TCF4: variants seen among roughly 807,000 people sequenced by gnomAD.
TCF4 encodes transcription factor 4.
Under a neutral mutation model 82.1 loss-of-function variants are expected in TCF4, and 3 were observed. The ratio of observed to expected loss-of-function variants is 0.04; its 90% confidence interval spans 0.02 to 0.09. The LOEUF is 0.09. Among genes scored for constraint, TCF4 ranks in the 10% least tolerant of loss-of-function variants. The probability of loss-of-function intolerance (pLI) is 1.00; values close to 1 mark genes in which losing one functional copy is unlikely to be tolerated. For synonymous variants in TCF4, 276 were observed against 309.6 expected (o/e 0.89, Z 1.14); for missense variants, 518 against 852.7 (o/e 0.61, Z 4.89).
At chr18:55,603,178 A>C (rs2097698945) in intron 2 of TCF4, among the ~76,000 whole-genome samples, 1 of 152,174 alleles carries the variant, frequency 6.6e-6, no homozygotes, top group African/African-American at 2.4e-5. Flanking sequence ...TGGCCATTAC[A>C]TACAGTATGT....
At chr18:55,236,518 GAA>G (rs1357876352) in intron 15 of TCF4, among the ~76,000 whole-genome samples, 1 of 150,918 alleles carries the variant, frequency 6.6e-6, no homozygotes, top group Non-Finnish European at 1.5e-5. Flanking sequence ...CTCTGTGACT[GAA>G]GTCTGCTCTC....
chr18:55,337,385 TG>T (rs1396557436), intron 8 of TCF4, among the ~76,000 whole-genome samples: 1 of 152,204 alleles, frequency 6.6e-6, no homozygotes, highest in Non-Finnish European at 1.5e-5. Flanking sequence ...GACCATTTGG[TG>T]TTCACTAAAC....
chr18:55,319,876 G>C (rs1480172820), intron 8 of TCF4, among the ~76,000 whole-genome samples: 2 of 152,076 alleles, frequency 1.3e-5, no homozygotes, highest in African/African-American at 4.8e-5. Context: ...TGTCAGTTCA[G>C]ATATTTAAGA....
intron 3 of TCF4, among the ~76,000 whole-genome samples, chr18:55,539,765 A>G (rs1051706883): frequency 7.9e-5 from 12 of 152,214 alleles, no homozygotes; most frequent in African/African-American, 1.7e-4. Flanking sequence ...TAATGAAAAG[A>G]TAAGTTTGAA....
Position 55,229,154 on chromosome 18 carries a change from A to G in TCF4, c.1650-78T>C, listed in dbSNP as rs896172978. Reference sequence around the variant, plus strand: ...TGTCTACATTACTTTGTTTTCTTCCAGAGTTTTCAGGGAACTTTTCCATCT... The same window carrying G: ...TGTCTACATTACTTTGTTTTCTTCCGGAGTTTTCAGGGAACTTTTCCATCT... On this transcript the variant is annotated intron_variant, in intron 17 of 19. Transcript: ENST00000354452. The G allele has an allele frequency of 4.6e-6, 7 of 1,535,550 alleles. No individual in the cohort carries two copies. The African/African-American group carries it at 9.5e-5, about 21-fold the overall frequency.
intron 3 of TCF4, among the ~76,000 whole-genome samples, chr18:55,470,064 A>C (rs1048083345): frequency 2.1e-4 from 32 of 152,226 alleles, no homozygotes; most frequent in Non-Finnish European, 8.8e-5. Flanking sequence ...CAAGGAGAAC[A>C]GAAGTGAAAA....
chr18:55,561,999 G>A (rs547339681), intron 3 of TCF4, among the ~76,000 whole-genome samples: 44 of 152,206 alleles, frequency 2.9e-4, no homozygotes, highest in Non-Finnish European at 5.0e-4. Flanking sequence ...GAGGCCCTAA[G>A]ATACATTTCT....
intron 3 of TCF4, among the ~76,000 whole-genome samples, chr18:55,491,859 A>G (rs974998217): frequency 2.2e-4 from 34 of 152,204 alleles, no homozygotes; most frequent in Non-Finnish European, 7.3e-5. Flanking sequence ...AAGTAAAGTT[A>G]AATAAACAGA....
chr18:55,357,416 T>C (rs2083837755), intron 6 of TCF4, among the ~76,000 whole-genome samples: 1 of 152,198 alleles, frequency 6.6e-6, no homozygotes, highest in Admixed American at 6.5e-5. Flanking sequence ...TAATATATAA[T>C]TCACTATGTA....
chr18:55,549,150 A>G (rs974702570), intron 3 of TCF4, among the ~76,000 whole-genome samples: 1 of 152,090 alleles, frequency 6.6e-6, no homozygotes, highest in Non-Finnish European at 1.5e-5. Context: ...AAAATGCAAA[A>G]ATTAGCTGCA....
At position 55,227,067 on chromosome 18, in the gene TCF4, A is replaced by G. The variant is rs2046688890; in HGVS notation, c.*968T>C. The stretch of plus-strand genomic sequence containing the variant: ...ATGTCTTGGTAATGCTGCTTGTAAT[A>G]TCTACACATGATGTGACTTTTAAGT... On this transcript the variant is annotated 3_prime_UTR_variant, in exon 20 of 20. Coordinates refer to ENST00000354452, the MANE Select transcript of TCF4 (RefSeq NM_001083962.2). 6.6e-6 allele frequency: 1 copy of G among 152,560 alleles called. No homozygotes were observed. The highest frequency in any genetic ancestry group is 6.5e-5 in the Admixed American group (1 of 15,274). The allele number at this position is 152,560 out of a possible 1,614,324, so 9.5% of individuals were successfully genotyped here. A position where few individuals can be genotyped will look rare whatever the true frequency, so the allele number is the denominator to read the frequency against.
At chr18:55,401,034 A>G (rs1218320595) in intron 6 of TCF4, 2 of 1,289,088 alleles carry the variant, frequency 1.6e-6, no homozygotes, top group Non-Finnish European at 2.0e-6. Context: ...TTCAGCTGTG[A>G]TCTGCTATTT....
chr18:55,472,060 T>C (rs2096195915), intron 3 of TCF4, among the ~76,000 whole-genome samples: 1 of 152,262 alleles, frequency 6.6e-6, no homozygotes, highest in Admixed American at 6.5e-5. Flanking sequence ...AATAAGTCCT[T>C]TAAAACAGTA....
intron 8 of TCF4, among the ~76,000 whole-genome samples, chr18:55,301,788 T>TAAAAAA (rs10652622): frequency 1.8e-4 from 10 of 56,308 alleles, no homozygotes; most frequent in Admixed American, 2.7e-4. Flanking sequence ...CCAAAAACTG[T>TAAAAAA]AAAAAAAAAA....
intron 8 of TCF4, chr18:55,321,636 T>C: frequency 6.5e-7 from 1 of 1,536,086 alleles, no homozygotes; most frequent in Non-Finnish European, 8.7e-7. Context: ...ATAAAACTTG[T>C]CAAAAATCCC....
chr18:55,612,555 C>G (rs1004774664), intron 2 of TCF4, among the ~76,000 whole-genome samples: 2 of 151,456 alleles, frequency 1.3e-5, no homozygotes, highest in African/African-American at 2.4e-5. Flanking sequence ...GAAAAAAAAA[C>G]ATGGGAAAGT....
chr18:55,254,947 T>TAA (rs1348180360), intron 14 of TCF4, among the ~76,000 whole-genome samples: 1 of 152,222 alleles, frequency 6.6e-6, no homozygotes, highest in East Asian at 1.9e-4. Flanking sequence ...CAGGACATTA[T>TAA]AACATACATG....
chr18:55,454,994 C>G (rs1171607642), intron 5 of TCF4, among the ~76,000 whole-genome samples: 1 of 151,894 alleles, frequency 6.6e-6, no homozygotes, highest in Non-Finnish European at 1.5e-5. Flanking sequence ...CAAGACCAGC[C>G]TGGCTAACAT....
chr18:55,331,735 C>T (rs1448393094), intron 8 of TCF4, among the ~76,000 whole-genome samples: 4 of 152,160 alleles, frequency 2.6e-5, no homozygotes, highest in African/African-American at 9.7e-5. Flanking sequence ...AGGACCTGTT[C>T]CCCTAGTTTC....
Sources: gnomAD v4.1 joint callset for allele counts (sites outside exome capture counted in the v4.1 genomes callset) on GRCh38, gnomAD v4.1.1 for gene constraint, MANE v1.5 for transcripts, NCBI Gene and HGNC (gene_info 2026-07-23, HGNC 2026-07-21) for gene names.